Variants in SCAPER observed in about 807,000 individuals in gnomAD.
SCAPER encodes S-phase cyclin A associated protein in the ER, also known as S phase cyclin A-associated protein in the endoplasmic reticulum.
In SCAPER, 98 loss-of-function variants were observed where a neutral mutation model predicts 182.2. That is an observed-to-expected ratio of 0.54 (90% confidence interval 0.46 to 0.64). SCAPER has a LOEUF of 0.64. Among genes scored for constraint, SCAPER ranks in the 30% least tolerant of loss-of-function variants. The pLI is 0.00. For missense variants in SCAPER, 1,432 were observed against 1,690.0 expected, an observed-to-expected ratio of 0.85 and a Z score of 2.68; for synonymous variants, 605 against 564.6, an observed-to-expected ratio of 1.07 and a Z score of -1.01.
intron 23 of SCAPER, among the ~76,000 whole-genome samples, chr15:76,521,459 G>C (rs1230284612): frequency 6.6e-6 from 1 of 151,956 alleles, no homozygotes; most frequent in Non-Finnish European, 1.5e-5. Flanking sequence ...GGGGAGAGAG[G>C]ATCTCTGGAG....
At chr15:76,793,236 T>C in intron 8 of SCAPER, 2 of 1,145,054 alleles carry the variant, frequency 1.7e-6, no homozygotes, top group Admixed American at 2.0e-5. Flanking sequence ...TATACACCTG[T>C]GATATTGCAA....
intron 21 of SCAPER, among the ~76,000 whole-genome samples, chr15:76,647,897 T>C (rs1348027942): frequency 6.6e-6 from 1 of 152,166 alleles, no homozygotes; most frequent in Non-Finnish European, 1.5e-5. Context: ...GGTTACTCTA[T>C]GTCAAACAAA....
At chr15:76,371,668 C>T (rs1233812860) in intron 29 of SCAPER, among the ~76,000 whole-genome samples, 2 of 151,380 alleles carry the variant, frequency 1.3e-5, no homozygotes, top group Non-Finnish European at 2.9e-5. Context: ...CCTGTAATTC[C>T]AGCACTTTGG....
intron 8 of SCAPER, among the ~76,000 whole-genome samples, chr15:76,787,316 C>A (rs1002717247): frequency 6.6e-6 from 1 of 152,114 alleles, no homozygotes; most frequent in Non-Finnish European, 1.5e-5. Context: ...AATACACCCA[C>A]GCTTATATGG....
At chr15:76,533,069 G>A (rs1237107650) in intron 23 of SCAPER, among the ~76,000 whole-genome samples, 1 of 152,196 alleles carries the variant, frequency 6.6e-6, no homozygotes, top group Non-Finnish European at 1.5e-5. Context: ...TTATTATGCA[G>A]CAATGATGTA....
At chr15:76,513,570 A>G (rs1017962298) in intron 23 of SCAPER, among the ~76,000 whole-genome samples, 3 of 152,210 alleles carry the variant, frequency 2.0e-5, no homozygotes, top group African/African-American at 7.2e-5. Context: ...AGACTTAAAG[A>G]ACACAGAAAG....
intron 2 of SCAPER, among the ~76,000 whole-genome samples, chr15:76,867,045 T>C (rs1015298487): frequency 7.9e-5 from 12 of 152,160 alleles, no homozygotes; most frequent in Non-Finnish European, 1.6e-4. Flanking sequence ...AGAAAGTGTT[T>C]ACAATAGTTA....
chr15:76,484,035 G>C (rs527876708), intron 24 of SCAPER, among the ~76,000 whole-genome samples: 14 of 152,240 alleles, frequency 9.2e-5, no homozygotes, highest in African/African-American at 3.1e-4. Context: ...ACAAAAGACT[G>C]CACGAGTATT....
intron 28 of SCAPER, among the ~76,000 whole-genome samples, chr15:76,376,598 A>G (rs1484382572): frequency 6.6e-6 from 1 of 152,224 alleles, no homozygotes; most frequent in African/African-American, 2.4e-5. Context: ...ATTTTTAATA[A>G]CTTAATTTTT....
chr15:76,878,243 C>T (rs1037866510), intron 2 of SCAPER, among the ~76,000 whole-genome samples: 29 of 151,784 alleles, frequency 1.9e-4, no homozygotes, highest in African/African-American at 6.5e-4. Flanking sequence ...TTTACAGACA[C>T]GTGTGTTTCA....
At chr15:76,554,221 G>A (rs2145012756) in intron 23 of SCAPER, among the ~76,000 whole-genome samples, 1 of 152,298 alleles carries the variant, frequency 6.6e-6, no homozygotes, top group East Asian at 1.9e-4. Flanking sequence ...CAGCCAAGCT[G>A]AGGAAAGAAT....
At chr15:76,504,609 A>G (rs985186445) in intron 24 of SCAPER, among the ~76,000 whole-genome samples, 2 of 152,226 alleles carry the variant, frequency 1.3e-5, no homozygotes, top group East Asian at 1.9e-4. Context: ...GAGTTCATCA[A>G]TTCTTCTTGA....
intron 24 of SCAPER, among the ~76,000 whole-genome samples, chr15:76,494,461 C>A (rs2040298605): frequency 6.6e-6 from 1 of 152,134 alleles, no homozygotes; most frequent in Non-Finnish European, 1.5e-5. Flanking sequence ...TACAAAAACA[C>A]CCAAGCCAAA....
At chr15:76,384,427 C>T (rs767892830) in intron 27 of SCAPER, among the ~76,000 whole-genome samples, 1 of 152,158 alleles carries the variant, frequency 6.6e-6, no homozygotes, top group Non-Finnish European at 1.5e-5. Context: ...ACTGCTATTT[C>T]CTCTTCCGAA....
chr15:76,391,436 C>T (rs1049794889), intron 27 of SCAPER, among the ~76,000 whole-genome samples: 5 of 152,172 alleles, frequency 3.3e-5, no homozygotes, highest in East Asian at 3.8e-4. Context: ...AGTACCTTGA[C>T]AAGGTCTGGG....
intron 23 of SCAPER, among the ~76,000 whole-genome samples, chr15:76,526,024 GT>G (rs917057811): frequency 3.3e-5 from 5 of 152,060 alleles, no homozygotes; most frequent in African/African-American, 1.2e-4. Context: ...AGCATCTGTG[GT>G]TTTTTGACTT....
rs987063357 is a variant in SCAPER, at chr15:76,843,510, T to G, written c.196-1579A>C. 1.2e-4 allele frequency among the ~76,000 whole-genome samples: 18 copies of G among 152,282 alleles called. 1 individual carries two copies. Among genetic ancestry groups the G allele is most frequent in the African/African-American group, 3.9e-4 (16 of 41,554 alleles). On this transcript the variant is annotated intron_variant, in intron 4 of 31. Coordinates refer to ENST00000563290, the MANE Select transcript of SCAPER (RefSeq NM_020843.4). ...TCCAATGTTCACAGAGCGTTTGACATGCATCTAGCAAACAGTAAGTGCCCA... is the reference window on the plus strand; with the variant it reads ...TCCAATGTTCACAGAGCGTTTGACAGGCATCTAGCAAACAGTAAGTGCCCA...
In SCAPER at chr15:76,357,595, A is replaced by G. The variant is rs182859170; in HGVS notation, c.3856-3455T>C. On this transcript the variant is annotated intron_variant, in intron 29 of 31. Transcript: ENST00000563290. Reference sequence around the variant, plus strand: ...GAACTACCAACTGGGTATCTACCCAAAGGAAAATAAATCACCATATAAAAA... The same window carrying G: ...GAACTACCAACTGGGTATCTACCCAGAGGAAAATAAATCACCATATAAAAA... 7.6e-4 allele frequency among the ~76,000 whole-genome samples: 116 copies of G among 152,338 alleles called. 1 individual carries two copies. The highest frequency in any genetic ancestry group is 2.7e-3 in the African/African-American group (112 of 41,574).
At chr15:76,498,183 T>C (rs1447211598) in intron 24 of SCAPER, among the ~76,000 whole-genome samples, 1 of 152,090 alleles carries the variant, frequency 6.6e-6, no homozygotes, top group Non-Finnish European at 1.5e-5. Context: ...GTTTAATATG[T>C]CTCATTTTCC....
Sources: allele counts gnomAD v4.1 joint callset (sites outside exome capture counted in the v4.1 genomes callset), GRCh38; gene constraint gnomAD v4.1.1; transcripts MANE v1.5; gene names NCBI Gene and HGNC (gene_info 2026-07-23, HGNC 2026-07-21).